Variants in HTR7 observed in about 807,000 individuals in gnomAD.
HTR7 encodes the protein 5-hydroxytryptamine receptor 7, also known as 5-HT-7.
A neutral mutation model predicts 34.0 loss-of-function variants in HTR7; 16 were observed. That is an observed-to-expected ratio of 0.47 (90% CI 0.32 to 0.71). The LOEUF is 0.71. Ranked by LOEUF, HTR7 falls within the 30% of genes least tolerant of loss-of-function variation. The probability of loss-of-function intolerance (pLI) is 0.04; values close to 1 mark genes in which losing one functional copy is unlikely to be tolerated. For missense variants in HTR7, 504 were observed against 625.5 expected, an observed-to-expected ratio of 0.81 and a Z score of 2.07; for synonymous variants, 265 against 260.2, an observed-to-expected ratio of 1.02 and a Z score of -0.18.
intron 1 of HTR7, among the ~76,000 whole-genome samples, chr10:90,837,392 G>T (rs1010140747): frequency 6.6e-6 from 1 of 152,188 alleles, no homozygotes; most frequent in East Asian, 1.9e-4. Context: ...TTGCCTAAAA[G>T]TTCATGTGTT....
chr10:90,748,798 G>C (rs771404329), intron 2 of HTR7, 41 bp downstream of exon 2: 5 of 1,564,996 alleles, frequency 3.2e-6, no homozygotes, highest in South Asian at 2.4e-5. Context: ...TGCATAAAAG[G>C]GTTTGGGGGA....
intron 1 of HTR7, among the ~76,000 whole-genome samples, chr10:90,805,529 G>A (rs910217080): frequency 6.6e-6 from 1 of 152,154 alleles, no homozygotes; most frequent in South Asian, 2.1e-4. Context: ...TTTGTTCTAA[G>A]TTCTGTGCCT....
intron 1 of HTR7, among the ~76,000 whole-genome samples, chr10:90,840,790 A>G (rs1243820286): frequency 6.6e-6 from 1 of 152,246 alleles, no homozygotes. Flanking sequence ...ACCTATGAGG[A>G]AGGCATTAGT....
intron 1 of HTR7, among the ~76,000 whole-genome samples, chr10:90,780,291 T>C (rs983096671): frequency 1.3e-5 from 2 of 151,676 alleles, no homozygotes; most frequent in Non-Finnish European, 2.9e-5. Flanking sequence ...ATCCCAGTAT[T>C]TTGGGAGGCC....
intron 1 of HTR7, among the ~76,000 whole-genome samples, chr10:90,849,731 A>G (rs770724333): frequency 3.3e-5 from 5 of 152,264 alleles, no homozygotes; most frequent in African/African-American, 4.8e-5. Flanking sequence ...TTTCAGGCAC[A>G]TAGCCACTTC....
At chr10:90,776,332 T>C (rs543855994) in intron 1 of HTR7, among the ~76,000 whole-genome samples, 149 of 152,350 alleles carry the variant, frequency 9.8e-4, no homozygotes, top group Non-Finnish European at 1.9e-3. Flanking sequence ...ACTGTTTCCT[T>C]CTTCTGCTGT....
intron 1 of HTR7, among the ~76,000 whole-genome samples, chr10:90,815,083 T>G (rs547426756): frequency 1.5e-5 from 2 of 136,888 alleles, no homozygotes; most frequent in South Asian, 4.7e-4. Flanking sequence ...ATTTTTTTTT[T>G]GTTTTTTTTT....
In HTR7 at chr10:90,857,791, C is replaced by CCCCCAGCG; in HGVS notation, c.-121_-120insCGCTGGGG. ...CCCGGCCCAGCCATGGGGCCCGCGCCGACCGCTGGGGGGCGCCTGGCTCTG... is the reference window on the plus strand; with the variant it reads ...CCCGGCCCAGCCATGGGGCCCGCGCCCCCCAGCGGACCGCTGGGGGGCGCCTGGCTCTG... On this transcript the variant is annotated 5_prime_UTR_variant, in exon 1 of 4. Coordinates refer to ENST00000336152, the MANE Select transcript of HTR7 (RefSeq NM_019859.4). The surrounding 1 kb of genome is among the most constrained non-coding windows in gnomAD (Gnocchi z 6.5). 9.9e-7 allele frequency: 1 copy of CCCCCAGCG among 1,012,180 alleles called. No homozygotes were observed. The highest frequency in any genetic ancestry group is 1.3e-6 in the Non-Finnish European group (1 of 774,084). 62.7% of individuals were successfully genotyped at this position (1,012,180 alleles called of 1,614,324 possible). A position where few individuals can be genotyped will look rare whatever the true frequency, so the allele number is the denominator to read the frequency against.
At chr10:90,819,850 TAA>T (rs374696872) in intron 1 of HTR7, among the ~76,000 whole-genome samples, 3 of 141,904 alleles carry the variant, frequency 2.1e-5, no homozygotes. Context: ...ATTCCCATCT[TAA>T]AAAAAAAAAA....
intron 1 of HTR7, among the ~76,000 whole-genome samples, chr10:90,828,724 C>T (rs748934302): frequency 4.0e-5 from 6 of 151,700 alleles, no homozygotes; most frequent in Non-Finnish European, 8.8e-5. Flanking sequence ...AAAGAAAAGC[C>T]CAGGACCCAA....
rs143705378 is a variant in HTR7, at chr10:90,814,697, A to G, written c.539+42436T>C. On this transcript the variant is annotated intron_variant, in intron 1 of 3. Coordinates refer to ENST00000336152, the MANE Select transcript of HTR7 (RefSeq NM_019859.4). The stretch of plus-strand genomic sequence containing the variant: ...AGAAGTCTTTAGATGGTTATTAAGA[A>G]ATTAAACGAATAAAATAGAAACTGA... Among the ~76,000 whole-genome samples the G allele has an allele frequency of 5.3e-5, 8 of 152,334 alleles. No individual in the cohort carries two copies. In the East Asian group the frequency reaches 1.5e-3, roughly 29 times the overall value.
chr10:90,753,393 GAA>G (rs59065626), intron 1 of HTR7, among the ~76,000 whole-genome samples: 2 of 150,988 alleles, frequency 1.3e-5, no homozygotes, highest in Non-Finnish European at 3.0e-5. Context: ...GAGAGAGAGA[GAA>G]AGAAACTAAT....
At chr10:90,826,845 G>A (rs1425865896) in intron 1 of HTR7, among the ~76,000 whole-genome samples, 1 of 152,000 alleles carries the variant, frequency 6.6e-6, no homozygotes, top group Non-Finnish European at 1.5e-5. Flanking sequence ...GCTGAGGCAG[G>A]AGAATGGCAT....
intron 1 of HTR7, among the ~76,000 whole-genome samples, chr10:90,825,958 G>A (rs192293261): frequency 6.6e-5 from 10 of 152,252 alleles, no homozygotes; most frequent in Non-Finnish European, 1.2e-4. Flanking sequence ...AGGGATAACA[G>A]AGAACTTGAC....
At chr10:90,828,997 CA>C (rs1205439244) in intron 1 of HTR7, among the ~76,000 whole-genome samples, 1 of 151,896 alleles carries the variant, frequency 6.6e-6, no homozygotes, top group Non-Finnish European at 1.5e-5. Context: ...CAAAAATCCT[CA>C]AAAAAATCTT....
At chr10:90,827,546 A>C (rs991133106) in intron 1 of HTR7, among the ~76,000 whole-genome samples, 7 of 152,218 alleles carry the variant, frequency 4.6e-5, no homozygotes, top group African/African-American at 1.7e-4. Flanking sequence ...AAGACTTTCT[A>C]AGCAAGTGAA....
At chr10:90,849,051 C>A (rs1338710042) in intron 1 of HTR7, among the ~76,000 whole-genome samples, 1 of 152,174 alleles carries the variant, frequency 6.6e-6, no homozygotes, top group Non-Finnish European at 1.5e-5. Flanking sequence ...GAATATACCA[C>A]AATTTATTTA....
At chr10:90,786,075 C>A (rs903511656) in intron 1 of HTR7, among the ~76,000 whole-genome samples, 17 of 152,338 alleles carry the variant, frequency 1.1e-4, no homozygotes, top group African/African-American at 4.1e-4. Flanking sequence ...GATGGAACTT[C>A]CTCAGCACAT....
intron 1 of HTR7, among the ~76,000 whole-genome samples, chr10:90,801,677 G>C (rs964183840): frequency 6.6e-6 from 1 of 152,334 alleles, no homozygotes; most frequent in African/African-American, 2.4e-5. Context: ...GGCATAGCCA[G>C]TAGGATCCCC....
Sources: allele counts gnomAD v4.1 joint callset (sites outside exome capture counted in the v4.1 genomes callset), GRCh38; gene constraint gnomAD v4.1.1; non-coding constraint Gnocchi (gnomAD v3.1); transcripts MANE v1.5; gene names NCBI Gene and HGNC (gene_info 2026-07-23, HGNC 2026-07-21).